PTPRU: variants seen among roughly 807,000 people sequenced by gnomAD.
PTPRU encodes protein tyrosine phosphatase receptor type U, also known as receptor-type tyrosine-protein phosphatase U.
Under a neutral mutation model 166.3 loss-of-function variants are expected in PTPRU, and 69 were observed. The observed-to-expected ratio is 0.41, with a 90% confidence interval of 0.34 to 0.51. The LOEUF is 0.51. PTPRU is among the 20% of genes least tolerant of loss of function. The probability of loss-of-function intolerance (pLI) is 0.09; values close to 1 mark genes in which losing one functional copy is unlikely to be tolerated. For synonymous variants in PTPRU, 793 were observed against 814.0 expected (o/e 0.97, Z 0.44); for missense variants, 1,657 against 2,013.7 (o/e 0.82, Z 3.39).
chr1:29,282,999 G>A, intron 12 of PTPRU, 50 bp downstream of exon 12: 1 of 1,595,512 alleles, frequency 6.3e-7, no homozygotes, highest in Non-Finnish European at 8.5e-7. Context: ...GTGGGGGGAT[G>A]GCAGACAGGA....
chr1:29,285,329 C>G (rs955872491), intron 14 of PTPRU, among the ~76,000 whole-genome samples: 8 of 152,298 alleles, frequency 5.3e-5, no homozygotes, highest in African/African-American at 1.7e-4. Context: ...CATGGCTCTT[C>G]CCGGGATCCA....
In PTPRU at chr1:29,291,868, GGAA is replaced by G; in HGVS notation, c.2320_2322del (p.Lys774del). ...TGTCTCCCCTCAACCCCCCTCTCCA[GGAA>G]GCCGGTGAACATGACCAAGGCCACC... On this transcript the variant is annotated inframe_deletion and splice_region_variant, in exon 15 of 30. Transcript: ENST00000373779. The surrounding 1 kb of genome is among the most constrained non-coding windows in gnomAD (Gnocchi z 4.1). 1 of 1,613,726 alleles carries G rather than the reference GGAA, an allele frequency of 6.2e-7. No homozygotes were observed. Among genetic ancestry groups the G allele is most frequent in the Non-Finnish European group, 8.5e-7 (1 of 1,179,846 alleles).
chr1:29,262,844 C>G (rs928990046), intron 7 of PTPRU, among the ~76,000 whole-genome samples: 1 of 152,164 alleles, frequency 6.6e-6, no homozygotes, highest in Non-Finnish European at 1.5e-5. Flanking sequence ...ATCCCCATTT[C>G]ACTCGCACAC....
In PTPRU at chr1:29,325,846, CG is replaced by C; in HGVS notation, c.*188del. On this transcript the variant is annotated 3_prime_UTR_variant, in exon 30 of 30. Transcript: ENST00000373779. ...CAGGGCCTTTCGCTTGTCCCATGGG[CG>C]GGTGGTGGGCCAAGGAGGAGCTTAG... The C allele has an allele frequency of 1.5e-6, 1 of 664,872 alleles. No individual in the cohort carries two copies. The highest frequency in any genetic ancestry group is 3.1e-5 in the East Asian group (1 of 32,734). The allele number at this position is 664,872 out of a possible 1,614,324, so 41.2% of individuals were successfully genotyped here. A position where few individuals can be genotyped will look rare whatever the true frequency, so the allele number is the denominator to read the frequency against.
chr1:29,303,740 C>T lies in PTPRU; in HGVS notation c.2477-115C>T, dbSNP rs1048149925. On this transcript the variant is annotated intron_variant, in intron 15 of 29. Coordinates refer to ENST00000373779, the MANE Select transcript of PTPRU (RefSeq NM_133178.4). ...AGGCTGCTTGGCTCCAGCCAACAAC[C>T]CAGCTATGCTTGGCATTGGCTGTGC... 4.3e-6 allele frequency: 5 copies of T among 1,153,412 alleles called. No homozygotes were observed. The African/African-American group carries it at 6.2e-5, about 14-fold the overall frequency. 71.4% of individuals were successfully genotyped at this position (1,153,412 alleles called of 1,614,324 possible).
In PTPRU at chr1:29,236,618, CCCGGGACGGGCG is replaced by C; in HGVS notation, c.-26_-15del. The stretch of plus-strand genomic sequence containing the variant: ...GGGGGCGGCGTCCCCCGCGCCGGGC[CCCGGGACGGGCG>C]GCGACGCTCCAACCATGGCCCGTGC... On this transcript the variant is annotated 5_prime_UTR_variant, in exon 1 of 30. Transcript: ENST00000373779. The surrounding 1 kb of genome is among the most constrained non-coding windows in gnomAD (Gnocchi z 4.6). 1.6e-6 allele frequency: 2 copies of C among 1,229,098 alleles called. No individual in the cohort carries two copies. Among genetic ancestry groups the C allele is most frequent in the Non-Finnish European group, 2.0e-6 (2 of 985,952 alleles). 76.1% of individuals were successfully genotyped at this position (1,229,098 alleles called of 1,614,324 possible). A position where few individuals can be genotyped will look rare whatever the true frequency, so the allele number is the denominator to read the frequency against.
chr1:29,288,160 G>A (rs1686448120), intron 14 of PTPRU, among the ~76,000 whole-genome samples: 1 of 152,158 alleles, frequency 6.6e-6, no homozygotes, highest in African/African-American at 2.4e-5. Context: ...GCGCATGGAG[G>A]TGAAGTTCTT....
At chr1:29,264,984 G>T (rs1030686994) in intron 7 of PTPRU, among the ~76,000 whole-genome samples, 13 of 152,188 alleles carry the variant, frequency 8.5e-5, no homozygotes, top group African/African-American at 3.1e-4. Context: ...GGAAATGCCA[G>T]TTTGTTTAAA....
At chr1:29,275,847 C>CT (rs1243968779) in intron 8 of PTPRU, 91 bp downstream of exon 8, 72 of 1,391,836 alleles carry the variant, frequency 5.2e-5, no homozygotes, top group Admixed American at 2.6e-4. Context: ...GTATTTTTTT[C>CT]TTTTTTTTGC....
intron 1 of PTPRU, among the ~76,000 whole-genome samples, chr1:29,250,109 C>T (rs573765929): frequency 1.3e-5 from 2 of 152,282 alleles, no homozygotes; most frequent in South Asian, 4.1e-4. Context: ...GCTTAGATGC[C>T]GCCTCTTCCA....
chr1:29,295,837 C>T lies in PTPRU; in HGVS notation c.2476+3811C>T, dbSNP rs530956335. Among the ~76,000 whole-genome samples, 20 of 152,208 alleles carry T rather than the reference C, an allele frequency of 1.3e-4. No individual in the cohort carries two copies. In the South Asian group the frequency reaches 2.9e-3, roughly 22 times the overall value. On this transcript the variant is annotated intron_variant, in intron 15 of 29. Coordinates refer to ENST00000373779, the MANE Select transcript of PTPRU (RefSeq NM_133178.4). ...AAGTAGCTGGGACTACAGACGTGCG[C>T]CACCATGCCCAGCTAATTTTTGTAT...
rs946666720 is a variant in PTPRU at position 29,243,129 on chromosome 1, C to T, written c.73+6412C>T. Among the ~76,000 whole-genome samples the T allele has an allele frequency of 2.6e-5, 4 of 152,168 alleles. 1 individual carries two copies. The highest frequency in any genetic ancestry group is 5.9e-5 in the Non-Finnish European group (4 of 68,026). On this transcript the variant is annotated intron_variant, in intron 1 of 29. Coordinates refer to ENST00000373779, the MANE Select transcript of PTPRU (RefSeq NM_133178.4). ...AGCCAGGATGGTCTCCATCTCCTGA[C>T]CTCATGACCTGCCTGACTCGGCCTC...
At chr1:29,305,642 G>C (rs1354155134) in intron 18 of PTPRU, 2 of 742,874 alleles carry the variant, frequency 2.7e-6, no homozygotes, top group East Asian at 2.6e-5. Context: ...GTTGGCCTGA[G>C]AGATGAGGTG....
chr1:29,315,433 T>C lies in PTPRU; in HGVS notation c.3289T>C (p.Cys1097Arg), dbSNP rs1227491033. Residue 1097 changes from cysteine to arginine, a missense_variant, in exon 23 of 30, where the codon TGT becomes CGT. Cys to Arg is a radical substitution (Grantham distance 180, BLOSUM62 -3). Around this residue, in one of 3 missense-constraint regions of PTPRU, gnomAD observed 1,190 missense variants for 1,477.4 expected, o/e 0.81. Coordinates refer to ENST00000373779, the MANE Select transcript of PTPRU (RefSeq NM_133178.4). The surrounding 1 kb of genome is among the most constrained non-coding windows in gnomAD (Gnocchi z 4.5). ...GGATGTGATGCTGGACATGGCAGAG[T>C]GTGAGGGCGTCGTGGACATTTACAA... ...VLDVMLDMAECEGVVDIYNCV... is the reference protein window; with the variant it reads ...VLDVMLDMAEREGVVDIYNCV... The C allele has an allele frequency of 3.1e-6, 5 of 1,613,950 alleles. No individual in the cohort carries two copies. The highest frequency in any genetic ancestry group is 4.2e-6 in the Non-Finnish European group (5 of 1,179,980).
chr1:29,324,520 G>A (rs1688313679), intron 28 of PTPRU, among the ~76,000 whole-genome samples: 1 of 152,160 alleles, frequency 6.6e-6, no homozygotes. Flanking sequence ...GTTTGGGTAC[G>A]TTTGTGCCTG....
In PTPRU at chr1:29,282,724, G is replaced by T. The variant is rs201851473; in HGVS notation, c.1917G>T (p.Arg639=). Residue 639 remains arginine (R), a synonymous_variant, in exon 12 of 30, where the codon CGG becomes CGT. Coordinates refer to ENST00000373779, the MANE Select transcript of PTPRU (RefSeq NM_133178.4). ...AGGAGCGGGCGCGGAGGCTGCGGCG[G>T]GAGCCAGGTGGACAGGACTGCTTCC... is the stretch of plus-strand genomic sequence containing the variant. ...VEEERARRLR[R]EPGGQDCFPV... is the part of the protein sequence containing the mutation. 8 of 1,613,738 alleles carry T rather than the reference G, an allele frequency of 5.0e-6. No homozygotes were observed. In the African/African-American group the frequency reaches 1.1e-4, roughly 22 times the overall value.
Position 29,260,761 on chromosome 1 carries a change from G to A in PTPRU, c.1002G>A (p.Val334=). The change falls in exon 7 of 30, where the codon GTG becomes GTA. Residue 334 remains valine (V), a synonymous_variant. Coordinates refer to ENST00000373779, the MANE Select transcript of PTPRU (RefSeq NM_133178.4). This position sits in a 1 kb window ranked among gnomAD's most constrained non-coding sequence, Gnocchi z 8.3. The stretch of plus-strand genomic sequence containing the variant: ...TGGCGCGCGGGCCCTGGGCTGAGGT[G>A]CACGCCGTCAGCCTGCAGACCTACA... ...YRMARGPWAE[V]HAVSLQTYKL... is the part of the protein sequence containing the mutation. The A allele has an allele frequency of 6.2e-7, 1 of 1,612,908 alleles. No individual in the cohort carries two copies.
rs1055268090 is a variant in PTPRU at position 29,325,507 on chromosome 1, C to T, written c.4249-92C>T. The T allele has an allele frequency of 1.1e-5, 16 of 1,515,134 alleles. 1 individual carries two copies. Among genetic ancestry groups the T allele is most frequent in the Admixed American group, 3.5e-5 (2 of 57,722 alleles). The allele number at this position is 1,515,134 out of a possible 1,614,324, so 93.9% of individuals were successfully genotyped here. A position where few individuals can be genotyped will look rare whatever the true frequency, so the allele number is the denominator to read the frequency against. The stretch of plus-strand genomic sequence containing the variant: ...CCGAGGGCGGGCCTGGGCTCGGGCT[C>T]GTGCTTGCCCTCTCACTCCCCGTTC... On this transcript the variant is annotated intron_variant, in intron 29 of 29. Transcript: ENST00000373779.
At position 29,323,398 on chromosome 1, in the gene PTPRU, G is replaced by T. The variant is rs764604605; in HGVS notation, c.3856G>T (p.Gly1286Cys). Residue 1286 changes from glycine (G) to cysteine (C), a missense_variant, in exon 27 of 30, where the codon GGC (glycine) becomes TGC (cysteine). By Grantham distance (159) the Gly-to-Cys change is radical. This residue lies in a region of PTPRU where 1,190 missense variants were observed against 1,477.4 expected (regional missense o/e 0.81). Transcript: ENST00000373779. The part of the protein sequence containing the change: ...WPCLQYWPEP[G>C]RQQYGLMEVE... The stretch of plus-strand genomic sequence containing the variant: ...CTGCCTGCAGTACTGGCCAGAGCCA[G>T]GCCGGCAGCAATATGGCCTCATGGA... 6.2e-7 allele frequency: 1 copy of T among 1,609,126 alleles called. No homozygotes were observed. The highest frequency in any genetic ancestry group is 2.2e-5 in the East Asian group (1 of 44,586).
Sources: allele counts gnomAD v4.1 joint callset (sites outside exome capture counted in the v4.1 genomes callset), GRCh38; gene constraint gnomAD v4.1.1; regional missense constraint gnomAD v4.1.1; non-coding constraint Gnocchi (gnomAD v3.1); transcripts MANE v1.5; gene names NCBI Gene and HGNC (gene_info 2026-07-23, HGNC 2026-07-21).